MYO9B: variants seen among roughly 807,000 people sequenced by gnomAD.
MYO9B encodes the protein myosin IXB.
MYO9B carries 71 observed loss-of-function variants against 229.5 expected under a neutral mutation model. That is an observed-to-expected ratio of 0.31 (90% CI 0.26 to 0.38). The LOEUF is 0.38. Among genes scored for constraint, MYO9B ranks in the 10% least tolerant of loss-of-function variants. The pLI is 1.00. For synonymous variants in MYO9B, 1,185 were observed against 1,235.8 expected, an observed-to-expected ratio of 0.96 and a Z score of 0.86; for missense variants, 2,255 against 2,920.5, an observed-to-expected ratio of 0.77 and a Z score of 5.25.
At chr19:17,104,705 C>T (rs1034094777) in intron 2 of MYO9B, among the ~76,000 whole-genome samples, 2 of 151,338 alleles carry the variant, frequency 1.3e-5, no homozygotes, top group Non-Finnish European at 2.9e-5. Context: ...GGATTATAGG[C>T]GTGAACCACT....
chr19:17,172,977 C>T lies in MYO9B; in HGVS notation c.2140+14C>T, dbSNP rs776499382. 2.4e-5 allele frequency: 39 copies of T among 1,595,072 alleles called. No individual in the cohort carries two copies. The highest frequency in any genetic ancestry group is 1.6e-4 in the African/African-American group (12 of 74,844). On this transcript the variant is annotated intron_variant, in intron 13 of 39. Transcript: ENST00000682292. This position sits in a 1 kb window ranked among gnomAD's most constrained non-coding sequence, Gnocchi z 8.2. ...AAAAGGCTGCAGGTGGGAGCTGGGGCGTGAACCCACAAAAGCGTCACTGTC... is the reference window on the plus strand; with the variant it reads ...AAAAGGCTGCAGGTGGGAGCTGGGGTGTGAACCCACAAAAGCGTCACTGTC...
chr19:17,171,168 C>T (rs1368272039), intron 11 of MYO9B, among the ~76,000 whole-genome samples: 1 of 152,182 alleles, frequency 6.6e-6, no homozygotes, highest in Non-Finnish European at 1.5e-5. Flanking sequence ...TCCTTGGCCC[C>T]GTTAACGCGG....
At chr19:17,116,108 C>A (rs1233640351) in intron 2 of MYO9B, among the ~76,000 whole-genome samples, 2 of 152,152 alleles carry the variant, frequency 1.3e-5, no homozygotes, top group Non-Finnish European at 2.9e-5. Flanking sequence ...TCCCTCCTTG[C>A]CTTGAACCCC....
intron 1 of MYO9B, among the ~76,000 whole-genome samples, chr19:17,098,798 C>T (rs79059589): frequency 1.3e-5 from 2 of 152,050 alleles, no homozygotes; most frequent in South Asian, 2.1e-4. Flanking sequence ...CAGCATGCAT[C>T]GTGGTGTGCA....
Position 17,175,693 on chromosome 19 carries a change from C to A in MYO9B, c.2171C>A (p.Pro724Gln). 6.3e-7 allele frequency: 1 copy of A among 1,575,466 alleles called. No individual in the cohort carries two copies. Among genetic ancestry groups the A allele is most frequent in the African/African-American group, 1.4e-5 (1 of 73,968 alleles). Reference sequence around the variant, plus strand: ...AGCAGCCCTGGTGCCCAAAGTCACCCAGAAGAGCTGCCAAGAGGAGCCAGC... The same window carrying A: ...AGCAGCCCTGGTGCCCAAAGTCACCAAGAAGAGCTGCCAAGAGGAGCCAGC... ...GMSSPGAQSH[P>Q]EELPRGASTP... Residue 724 changes from proline to glutamine, a missense_variant, in exon 14 of 40, where the codon CCA (proline) becomes CAA (glutamine). Coordinates refer to ENST00000682292, the MANE Select transcript of MYO9B (RefSeq NM_004145.4).
intron 22 of MYO9B, among the ~76,000 whole-genome samples, chr19:17,197,431 G>GATAA (rs1555704404): frequency 1.1e-5 from 1 of 88,282 alleles, no homozygotes; most frequent in African/African-American, 4.7e-5. Context: ...TAGATAGATA[G>GATAA]ATAGATAGAT....
intron 20 of MYO9B, 132 bp downstream of exon 20, chr19:17,191,351 C>T: frequency 4.9e-6 from 6 of 1,216,768 alleles, no homozygotes; most frequent in Non-Finnish European, 5.6e-6. Context: ...TTTCTCGGGA[C>T]CCAGCAGAGC....
chr19:17,140,862 G>A (rs1277324531), intron 2 of MYO9B, among the ~76,000 whole-genome samples: 1 of 151,148 alleles, frequency 6.6e-6, no homozygotes, highest in African/African-American at 2.4e-5. Context: ...CAGCACTTTG[G>A]GAGGCCGAGG....
intron 10 of MYO9B, among the ~76,000 whole-genome samples, chr19:17,165,570 G>A (rs2072650011): frequency 6.6e-6 from 1 of 150,820 alleles, no homozygotes; most frequent in East Asian, 1.9e-4. Context: ...GTAAGACCCT[G>A]TCTCTAAAAA....
Position 17,172,749 on chromosome 19 carries a change from C to T in MYO9B, c.1936-10C>T, listed in dbSNP as rs751383130. 4.3e-6 allele frequency: 7 copies of T among 1,612,972 alleles called. No individual in the cohort carries two copies. In the African/African-American group the frequency reaches 5.3e-5, roughly 12 times the overall value. On this transcript the variant is annotated splice_polypyrimidine_tract_variant and intron_variant, in intron 12 of 39. Transcript: ENST00000682292. This position sits in a 1 kb window ranked among gnomAD's most constrained non-coding sequence, Gnocchi z 8.2. ...TCCCCGAGTGACCGCCCACATCCAT[C>T]CCCCACCAGGACTTCCGGGAGAAGA... is the stretch of plus-strand genomic sequence containing the variant.
At position 17,193,516 on chromosome 19, in the gene MYO9B, G is replaced by T. The variant is rs906106830; in HGVS notation, c.3128+454G>T. On this transcript the variant is annotated intron_variant, in intron 21 of 39. Transcript: ENST00000682292. This position sits in a 1 kb window ranked among gnomAD's most constrained non-coding sequence, Gnocchi z 4.3. Reference sequence around the variant, plus strand: ...TAGGCACCCTGTTCACCTCTCCCCTGCCCACACAGACCCAGCTCTGCCACA... The same window carrying T: ...TAGGCACCCTGTTCACCTCTCCCCTTCCCACACAGACCCAGCTCTGCCACA... Among the ~76,000 whole-genome samples the T allele has an allele frequency of 1.3e-5, 2 of 152,162 alleles. No individual in the cohort carries two copies. The highest frequency in any genetic ancestry group is 4.8e-5 in the African/African-American group (2 of 41,530).
intron 1 of MYO9B, among the ~76,000 whole-genome samples, chr19:17,097,195 C>A (rs1049328319): frequency 6.6e-6 from 1 of 151,576 alleles, no homozygotes; most frequent in Non-Finnish European, 1.5e-5. Context: ...GTGGTGGGCC[C>A]CTGTAATCCC....
At chr19:17,087,632 C>T (rs892745864) in intron 1 of MYO9B, among the ~76,000 whole-genome samples, 2 of 152,064 alleles carry the variant, frequency 1.3e-5, no homozygotes, top group Non-Finnish European at 2.9e-5. Flanking sequence ...GGCCACAAGT[C>T]TGAAATGAAG....
chr19:17,083,753 C>T (rs888360374), intron 1 of MYO9B, among the ~76,000 whole-genome samples: 3 of 151,554 alleles, frequency 2.0e-5, no homozygotes, highest in African/African-American at 4.8e-5. Context: ...TTCAAGTTAC[C>T]GATTCTCCTG....
At chr19:17,203,126 C>T (rs911320299) in intron 29 of MYO9B, 21 bp from the exon 30 acceptor site, 9 of 1,546,464 alleles carry the variant, frequency 5.8e-6, no homozygotes, top group Middle Eastern at 1.7e-4. Flanking sequence ...CCCTGCCCAG[C>T]GCCTTCCTCT....
intron 1 of MYO9B, among the ~76,000 whole-genome samples, chr19:17,084,719 A>G (rs552957469): frequency 3.3e-5 from 5 of 151,772 alleles, no homozygotes; most frequent in East Asian, 1.9e-4. Context: ...CAAAAAAAAA[A>G]AAAAAGAAAA....
chr19:17,125,202 G>A (rs1435317342), intron 2 of MYO9B, among the ~76,000 whole-genome samples: 1 of 151,944 alleles, frequency 6.6e-6, no homozygotes, highest in East Asian at 1.9e-4. Context: ...TTGGAGGGCT[G>A]AGGGTGGAGA....
intron 17 of MYO9B, among the ~76,000 whole-genome samples, chr19:17,185,424 T>C (rs2072907488): frequency 6.7e-6 from 1 of 149,806 alleles, no homozygotes; most frequent in South Asian, 2.1e-4. Flanking sequence ...TGGGCACCTG[T>C]AATCTCAGCT....
At chr19:17,131,839 T>A (rs2072200081) in intron 2 of MYO9B, among the ~76,000 whole-genome samples, 1 of 152,000 alleles carries the variant, frequency 6.6e-6, no homozygotes, top group South Asian at 2.1e-4. Flanking sequence ...ATTTCTTTCT[T>A]CTGTGCTTTT....
Sources: gnomAD v4.1 joint callset for allele counts (sites outside exome capture counted in the v4.1 genomes callset) on GRCh38, gnomAD v4.1.1 for gene constraint, Gnocchi (gnomAD v3.1) non-coding constraint, MANE v1.5 for transcripts, NCBI Gene and HGNC (gene_info 2026-07-23, HGNC 2026-07-21) for gene names.